Variants in TECTA observed in about 807,000 individuals in gnomAD.
The protein encoded by TECTA is tectorin alpha.
TECTA carries 128 observed loss-of-function variants against 216.8 expected under a neutral mutation model. The observed-to-expected ratio is 0.59, with a 90% confidence interval of 0.51 to 0.68. The LOEUF (loss-of-function observed/expected upper bound fraction) is 0.68, where lower values mean the gene tolerates loss of function less well. TECTA is among the 30% of genes least tolerant of loss of function. TECTA has a pLI of 0.00. For missense variants in TECTA, 2,551 were observed against 2,786.2 expected (o/e 0.92, Z 1.90); for synonymous variants, 1,089 against 1,117.1 (o/e 0.97, Z 0.50).
At chr11:121,172,007 C>T (rs1436462155) in intron 20 of TECTA, among the ~76,000 whole-genome samples, 1 of 151,912 alleles carries the variant, frequency 6.6e-6, no homozygotes, top group Non-Finnish European at 1.5e-5. Flanking sequence ...AGCTTTTCTC[C>T]GTTCAGTATG....
chr11:121,182,883 C>G (rs781048467), intron 20 of TECTA, among the ~76,000 whole-genome samples: 20 of 152,160 alleles, frequency 1.3e-4, no homozygotes, highest in Non-Finnish European at 2.2e-4. Flanking sequence ...GGCCTGTCCT[C>G]AGGCCCCATG....
intron 20 of TECTA, among the ~76,000 whole-genome samples, chr11:121,170,167 T>G (rs532714206): frequency 1.3e-5 from 2 of 152,268 alleles, no homozygotes; most frequent in East Asian, 3.9e-4. Context: ...GACCATGTTG[T>G]TGCAAATGAT....
At chr11:121,139,588 G>A (rs985730388) in intron 11 of TECTA, among the ~76,000 whole-genome samples, 6 of 152,148 alleles carry the variant, frequency 3.9e-5, no homozygotes, top group African/African-American at 1.4e-4. Flanking sequence ...CTACTAGGGA[G>A]GCTGAGACAG....
chr11:121,165,407 CA>C, intron 17 of TECTA, 24 bp downstream of exon 17: 1 of 1,551,272 alleles, frequency 6.4e-7, no homozygotes, highest in African/African-American at 1.4e-5. Flanking sequence ...GCCACCTCCC[CA>C]CCCAGAAAGG....
rs1017796972 is a variant in TECTA, at chr11:121,165,316, C to A, written c.5316C>A (p.Asn1772Lys). The change falls in exon 17 of 24, where the codon AAC becomes AAA. Residue 1772 changes from asparagine (N) to lysine (K), a missense_variant. Coordinates refer to ENST00000392793, the MANE Select transcript of TECTA (RefSeq NM_005422.4). ...CCTGTGTGGGGGCGGACTGTCCCAA[C>A]CGAACTTGCGAGCTGGGCAATGGCA... ...EDPCVGADCP[N>K]RTCELGNGRE... The A allele has an allele frequency of 1.9e-6, 3 of 1,608,790 alleles. No homozygotes were observed. The African/African-American group carries it at 4.0e-5, about 21-fold the overall frequency.
At position 121,189,882 on chromosome 11, in the gene TECTA, T is replaced by A. The variant is rs776444901; in HGVS notation, c.6367+2T>A. 1 of 1,610,936 alleles carries A rather than the reference T, an allele frequency of 6.2e-7. No individual in the cohort carries two copies. The highest frequency in any genetic ancestry group is 1.3e-5 in the African/African-American group (1 of 74,844). ...AGGAGGACGGCAAGAGCTGCAGAGG[T>A]AGACACTCTTCTACCCTGGGGCAGG... is the stretch of plus-strand genomic sequence containing the variant. On this transcript the variant is annotated splice_donor_variant, in intron 23 of 23. Transcript: ENST00000392793. LOFTEE classifies it high-confidence loss of function.
At chr11:121,124,092 T>C (rs1946584198) in intron 7 of TECTA, among the ~76,000 whole-genome samples, 1 of 152,228 alleles carries the variant, frequency 6.6e-6, no homozygotes, top group African/African-American at 2.4e-5. Context: ...AGAAAAGTAT[T>C]TCCTGCTCTT....
At chr11:121,111,431 T>C (rs1293306101) in intron 4 of TECTA, among the ~76,000 whole-genome samples, 10 of 152,222 alleles carry the variant, frequency 6.6e-5, no homozygotes, top group Non-Finnish European at 1.3e-4. Context: ...GCAAAAAAGA[T>C]TTTTTTATCC....
rs1440587199 is a variant in TECTA at position 121,128,255 on chromosome 11, G to A, written c.2278G>A (p.Asp760Asn). The A allele has an allele frequency of 2.5e-6, 4 of 1,600,178 alleles. No individual in the cohort carries two copies. Among genetic ancestry groups the A allele is most frequent in the Non-Finnish European group, 3.4e-6 (4 of 1,179,962 alleles). ...LEIDINKKKPDAGPAWLRGLR... is the reference protein window; with the variant it reads ...LEIDINKKKPNAGPAWLRGLR... Reference sequence around the variant, plus strand: ...AATCGACATCAACAAGAAGAAGCCCGATGCAGGACCTGCTTGGCTGCGGGG... The same window carrying A: ...AATCGACATCAACAAGAAGAAGCCCAATGCAGGACCTGCTTGGCTGCGGGG... The change falls in exon 9 of 24, where the codon GAT becomes AAT. Residue 760 changes from aspartate (D) to asparagine (N), a missense_variant. Around this residue, in one of 3 missense-constraint regions of TECTA, gnomAD observed 2,375 missense variants for 2,563.9 expected, o/e 0.93. Transcript: ENST00000392793.
At chr11:121,174,563 C>A (rs1487901311) in intron 20 of TECTA, among the ~76,000 whole-genome samples, 1 of 152,080 alleles carries the variant, frequency 6.6e-6, no homozygotes, top group Non-Finnish European at 1.5e-5. Context: ...GGTGGATAAG[C>A]TTTTTGATGT....
chr11:121,128,553 G>T (rs1290614772), intron 9 of TECTA, among the ~76,000 whole-genome samples: 1 of 152,238 alleles, frequency 6.6e-6, no homozygotes, highest in East Asian at 1.9e-4. Context: ...TCTCCAATTA[G>T]ATAGAGCAGG....
intron 20 of TECTA, among the ~76,000 whole-genome samples, chr11:121,175,635 G>C (rs1235923052): frequency 6.6e-6 from 1 of 152,184 alleles, no homozygotes; most frequent in East Asian, 1.9e-4. Context: ...TTTGGAATAG[G>C]TGTGGTGTGG....
intron 20 of TECTA, among the ~76,000 whole-genome samples, chr11:121,171,969 A>G (rs1234743774): frequency 6.6e-6 from 1 of 152,062 alleles, no homozygotes; most frequent in Non-Finnish European, 1.5e-5. Context: ...GATGAGAGTG[A>G]GCACCCAGGA....
At position 121,130,153 on chromosome 11, in the gene TECTA, A is replaced by G; in HGVS notation, c.2883A>G (p.Ala961=). 2 of 1,607,484 alleles carry G rather than the reference A, an allele frequency of 1.2e-6. No homozygotes were observed. Among genetic ancestry groups the G allele is most frequent in the Non-Finnish European group, 8.5e-7 (1 of 1,179,980 alleles). The change falls in exon 10 of 24, where the codon GCA becomes GCG. Residue 961 remains alanine (A), a synonymous_variant. Transcript: ENST00000392793. ...TCTGTGACTCTGTGGCCCGGTATGC[A>G]AGCGCCTGCAAGAATGCGGACGTGG... ...SELCDSVARY[A]SACKNADVEV... is the part of the protein sequence containing the mutation.
At chr11:121,136,933 G>C (rs187897275) in intron 10 of TECTA, among the ~76,000 whole-genome samples, 1 of 152,210 alleles carries the variant, frequency 6.6e-6, no homozygotes, top group South Asian at 2.1e-4. Flanking sequence ...CTGGCATGTC[G>C]CAGGTGCTCA....
chr11:121,143,207 A>G (rs1218757439), intron 11 of TECTA, among the ~76,000 whole-genome samples: 1 of 152,200 alleles, frequency 6.6e-6, no homozygotes, highest in Middle Eastern at 3.2e-3. Flanking sequence ...TATGGGATAC[A>G]AGGCCCTTCA....
chr11:121,133,635 A>G (rs1946696592), intron 10 of TECTA, among the ~76,000 whole-genome samples: 1 of 152,202 alleles, frequency 6.6e-6, no homozygotes, highest in Non-Finnish European at 1.5e-5. Context: ...TCCTCCATAA[A>G]CAGAATGACC....
intron 10 of TECTA, among the ~76,000 whole-genome samples, chr11:121,134,673 G>A (rs1946708666): frequency 6.6e-6 from 1 of 151,848 alleles, no homozygotes; most frequent in South Asian, 2.1e-4. Flanking sequence ...CCTCCCAGTT[G>A]TATTTCATTC....
chr11:121,104,444 T>C (rs1315784928), intron 2 of TECTA, among the ~76,000 whole-genome samples: 1 of 152,074 alleles, frequency 6.6e-6, no homozygotes, highest in East Asian at 1.9e-4. Context: ...GTTTGGACGA[T>C]GCATATACAC....
Sources: allele counts gnomAD v4.1 joint callset (sites outside exome capture counted in the v4.1 genomes callset), GRCh38; gene constraint gnomAD v4.1.1; regional missense constraint gnomAD v4.1.1; transcripts MANE v1.5; gene names NCBI Gene and HGNC (gene_info 2026-07-23, HGNC 2026-07-21).